LTBP1: variants seen among roughly 807,000 people sequenced by gnomAD.
LTBP1 encodes the protein latent transforming growth factor beta binding protein 1, also known as latent-transforming growth factor beta-binding protein 1.
In LTBP1, 129 loss-of-function variants were observed where a neutral mutation model predicts 207.6. The observed-to-expected ratio is 0.62, with a 90% CI of 0.54 to 0.72. The LOEUF (loss-of-function observed/expected upper bound fraction) is 0.72, where lower values mean the gene tolerates loss of function less well. LTBP1 is among the 30% of genes least tolerant of loss of function. The pLI is 0.00. For missense variants in LTBP1, 2,281 were observed against 2,217.2 expected, an observed-to-expected ratio of 1.03 and a Z score of -0.58; for synonymous variants, 963 against 833.7, an observed-to-expected ratio of 1.16 and a Z score of -2.67.
intron 7 of LTBP1, among the ~76,000 whole-genome samples, chr2:33,205,634 C>G (rs1436255125): frequency 6.6e-6 from 1 of 152,212 alleles, no homozygotes; most frequent in Non-Finnish European, 1.5e-5. Context: ...CAAAGGACCA[C>G]ACTCATTCCC....
chr2:33,194,895 T>G (rs943408796), intron 7 of LTBP1, among the ~76,000 whole-genome samples: 1 of 152,236 alleles, frequency 6.6e-6, no homozygotes, highest in African/African-American at 2.4e-5. Context: ...TTGCAGCCAG[T>G]GCTCATAGGC....
intron 7 of LTBP1, among the ~76,000 whole-genome samples, chr2:33,214,812 A>G (rs1448574076): frequency 2.0e-5 from 3 of 151,130 alleles, no homozygotes; most frequent in African/African-American, 7.3e-5. Context: ...GGCTTTACTG[A>G]CTTACACTAG....
intron 9 of LTBP1, among the ~76,000 whole-genome samples, chr2:33,233,604 C>T (rs1260325901): frequency 6.6e-6 from 1 of 152,078 alleles, no homozygotes; most frequent in African/African-American, 2.4e-5. Flanking sequence ...TTTTCATCCT[C>T]CCCACCCTTT....
At chr2:32,962,854 A>T (rs901087582) in intron 2 of LTBP1, among the ~76,000 whole-genome samples, 1 of 152,216 alleles carries the variant, frequency 6.6e-6, no homozygotes, top group African/African-American at 2.4e-5. Flanking sequence ...AGCCCTGTTA[A>T]ACCAGGAGCT....
chr2:33,301,258 A>T (rs1390619796), intron 21 of LTBP1, among the ~76,000 whole-genome samples: 2 of 152,168 alleles, frequency 1.3e-5, no homozygotes, highest in African/African-American at 2.4e-5. Context: ...TTGAGAGGAA[A>T]CGCCATTTCT....
chr2:33,099,094 A>G (rs1235761415), intron 3 of LTBP1, among the ~76,000 whole-genome samples: 1 of 152,228 alleles, frequency 6.6e-6, no homozygotes, highest in Non-Finnish European at 1.5e-5. Flanking sequence ...CTTTAGGGGA[A>G]AAAAACCCTC....
At chr2:33,395,907 A>AT (rs1192232196) in intron 32 of LTBP1, among the ~76,000 whole-genome samples, 4,368 of 147,976 alleles carry the variant, frequency 0.03, 97 homozygotes, top group Middle Eastern at 0.079. Flanking sequence ...CTAGCCATAT[A>AT]TTTTTTTTTT....
At chr2:33,221,099 T>C (rs1040421692) in intron 8 of LTBP1, among the ~76,000 whole-genome samples, 1 of 152,234 alleles carries the variant, frequency 6.6e-6, no homozygotes, top group African/African-American at 2.4e-5. Context: ...GATTATAGCT[T>C]GTTTTCTGTT....
intron 2 of LTBP1, among the ~76,000 whole-genome samples, chr2:32,972,850 T>C (rs1196009379): frequency 6.6e-6 from 1 of 152,196 alleles, no homozygotes; most frequent in Admixed American, 6.5e-5. Context: ...TACCCAGTCA[T>C]GTGGAGCTAT....
At chr2:33,046,823 T>C (rs1339123077) in intron 3 of LTBP1, among the ~76,000 whole-genome samples, 2 of 152,226 alleles carry the variant, frequency 1.3e-5, no homozygotes, top group African/African-American at 4.8e-5. Context: ...ATTTGACTTC[T>C]TCCTGGTTTA....
At chr2:33,035,253 A>G (rs1335394050) in intron 3 of LTBP1, among the ~76,000 whole-genome samples, 1 of 152,242 alleles carries the variant, frequency 6.6e-6, no homozygotes, top group Non-Finnish European at 1.5e-5. Flanking sequence ...AGTTTTACTT[A>G]GTTCTAAATG....
intron 3 of LTBP1, among the ~76,000 whole-genome samples, chr2:33,044,857 T>C (rs1238196748): frequency 6.6e-6 from 1 of 152,232 alleles, no homozygotes; most frequent in Non-Finnish European, 1.5e-5. Context: ...ATTTCTCTAA[T>C]GGCCAGTGAC....
Position 33,398,360 on chromosome 2 carries a change from G to C in LTBP1, c.4985-4G>C, listed in dbSNP as rs562549032. 8.5e-5 allele frequency: 137 copies of C among 1,612,688 alleles called. No homozygotes were observed. The South Asian group carries it at 1.5e-3, about 17-fold the overall frequency. Reference sequence around the variant, plus strand: ...GTTTACCTGCATGGCTTGACTTATTGCAGATGTAAATGAATGCGATGAGTT... The same window carrying C: ...GTTTACCTGCATGGCTTGACTTATTCCAGATGTAAATGAATGCGATGAGTT... On this transcript the variant is annotated splice_polypyrimidine_tract_variant and splice_region_variant and intron_variant, in intron 33 of 33. Coordinates refer to ENST00000404816, the MANE Select transcript of LTBP1 (RefSeq NM_206943.4).
chr2:33,311,027 A>T (rs569101972), intron 23 of LTBP1, among the ~76,000 whole-genome samples: 4 of 152,154 alleles, frequency 2.6e-5, no homozygotes, highest in African/African-American at 9.7e-5. Flanking sequence ...CTGAATATGT[A>T]TGATTTTTTT....
chr2:33,084,843 G>C (rs2078657743), intron 3 of LTBP1, among the ~76,000 whole-genome samples: 1 of 152,162 alleles, frequency 6.6e-6, no homozygotes, highest in Non-Finnish European at 1.5e-5. Flanking sequence ...GATCCAGTTT[G>C]TTTCACCAGG....
chr2:32,970,967 C>A (rs1680763729), intron 2 of LTBP1, among the ~76,000 whole-genome samples: 1 of 148,028 alleles, frequency 6.8e-6, no homozygotes, highest in South Asian at 2.2e-4. Flanking sequence ...TTGTAGAGAT[C>A]TTTTATCTCC....
intron 3 of LTBP1, among the ~76,000 whole-genome samples, chr2:33,069,226 C>T (rs1051486626): frequency 2.0e-5 from 3 of 152,214 alleles, no homozygotes; most frequent in Admixed American, 6.5e-5. Flanking sequence ...GCCAGACTTC[C>T]GAGAGCCTGG....
intron 3 of LTBP1, among the ~76,000 whole-genome samples, chr2:33,045,724 A>T (rs2076410263): frequency 6.6e-6 from 1 of 152,178 alleles, no homozygotes; most frequent in Non-Finnish European, 1.5e-5. Flanking sequence ...TTTTCACAAT[A>T]CTGATTCTTC....
At chr2:33,237,151 T>C (rs1158249885) in intron 9 of LTBP1, among the ~76,000 whole-genome samples, 1 of 152,204 alleles carries the variant, frequency 6.6e-6, no homozygotes, top group Admixed American at 6.5e-5. Flanking sequence ...CAAAAATGTT[T>C]CCACAGATGA....
Sources: gnomAD v4.1 joint callset for allele counts (sites outside exome capture counted in the v4.1 genomes callset) on GRCh38, gnomAD v4.1.1 for gene constraint, MANE v1.5 for transcripts, NCBI Gene and HGNC (gene_info 2026-07-23, HGNC 2026-07-21) for gene names.